The following CACNG3 variants were observed in gnomAD, a reference collection of about 807,000 sequenced individuals.
The protein encoded by CACNG3 is voltage-dependent calcium channel gamma-3 subunit.
CACNG3 carries 3 observed loss-of-function variants against 28.5 expected under a neutral mutation model. The ratio of observed to expected loss-of-function variants is 0.11; its 90% CI spans 0.05 to 0.27. CACNG3 has a LOEUF of 0.27. Among genes scored for constraint, CACNG3 ranks in the 10% least tolerant of loss-of-function variants. The pLI is 1.00. For synonymous variants in CACNG3, 174 were observed against 162.2 expected, an observed-to-expected ratio of 1.07 and a Z score of -0.55; for missense variants, 236 against 414.4, an observed-to-expected ratio of 0.57 and a Z score of 3.74.
chr16:24,292,846 T>C (rs922166729), intron 1 of CACNG3, among the ~76,000 whole-genome samples: 1 of 152,068 alleles, frequency 6.6e-6, no homozygotes, highest in Non-Finnish European at 1.5e-5. Context: ...ATGACATGGA[T>C]TAGGGAAAAG....
intron 1 of CACNG3, among the ~76,000 whole-genome samples, chr16:24,271,778 G>A (rs890623985): frequency 6.6e-6 from 1 of 151,706 alleles, no homozygotes; most frequent in Non-Finnish European, 1.5e-5. Flanking sequence ...AGGGCATGGG[G>A]CTCCTGTATG....
At chr16:24,301,206 G>GAAA (rs745765634) in intron 1 of CACNG3, among the ~76,000 whole-genome samples, 1 of 98,352 alleles carries the variant, frequency 1.0e-5, no homozygotes, top group Non-Finnish European at 2.2e-5. Flanking sequence ...GTGAGACTCT[G>GAAA]AAAAAAAAAA....
intron 1 of CACNG3, among the ~76,000 whole-genome samples, chr16:24,260,120 C>T (rs1226111333): frequency 6.6e-6 from 1 of 152,178 alleles, no homozygotes; most frequent in African/African-American, 2.4e-5. Context: ...TATCCTTCTC[C>T]TCCTTGAGTG....
intron 1 of CACNG3, among the ~76,000 whole-genome samples, chr16:24,259,319 A>G (rs1898509168): frequency 6.6e-6 from 1 of 152,252 alleles, no homozygotes; most frequent in South Asian, 2.1e-4. Context: ...TACTAAACAC[A>G]TCAAGTGTTT....
intron 1 of CACNG3, among the ~76,000 whole-genome samples, chr16:24,264,462 G>A (rs1898572411): frequency 1.3e-5 from 2 of 152,226 alleles, no homozygotes; most frequent in Admixed American, 1.3e-4. Flanking sequence ...GGAAGTTGCA[G>A]TAGGAAGGTA....
chr16:24,328,329 TAAAAC>T (rs545010830), intron 1 of CACNG3, among the ~76,000 whole-genome samples: 9 of 150,558 alleles, frequency 6.0e-5, no homozygotes, highest in Non-Finnish European at 1.0e-4. Context: ...GCAGGAAAGA[TAAAAC>T]AAAGCCTGTG....
chr16:24,286,166 G>A (rs376431776), intron 1 of CACNG3, among the ~76,000 whole-genome samples: 1 of 151,984 alleles, frequency 6.6e-6, no homozygotes, highest in Admixed American at 6.6e-5. Flanking sequence ...CTTTGTTCAT[G>A]GACATTCATC....
chr16:24,300,344 C>T (rs1389584556), intron 1 of CACNG3, among the ~76,000 whole-genome samples: 4 of 151,850 alleles, frequency 2.6e-5, no homozygotes, highest in Admixed American at 1.3e-4. Flanking sequence ...AGGCAGGTTA[C>T]GCGTGTGAGA....
chr16:24,275,996 G>C (rs1042747378), intron 1 of CACNG3, among the ~76,000 whole-genome samples: 1 of 152,170 alleles, frequency 6.6e-6, no homozygotes, highest in Admixed American at 6.5e-5. Context: ...ACCACTTGTC[G>C]AGTTTTGGTG....
intron 1 of CACNG3, among the ~76,000 whole-genome samples, chr16:24,331,937 C>G (rs955018093): frequency 2.6e-5 from 4 of 152,238 alleles, no homozygotes; most frequent in Admixed American, 2.0e-4. Flanking sequence ...TGTCCTCCCC[C>G]ACCCCAATCA....
At chr16:24,314,733 GCCTCCTCCTCCTCCTCCTCCTCCT>G (rs140787661) in intron 1 of CACNG3, among the ~76,000 whole-genome samples, 1 of 119,014 alleles carries the variant, frequency 8.4e-6, no homozygotes, top group African/African-American at 3.0e-5. Flanking sequence ...TAGGACTCTC[GCCTCCTCCTCCTCCTCCTCCTCCT>G]CCTCCTCCTC....
chr16:24,309,864 C>T (rs950337751), intron 1 of CACNG3, among the ~76,000 whole-genome samples: 6 of 151,968 alleles, frequency 3.9e-5, no homozygotes, highest in East Asian at 1.9e-4. Context: ...CCAAGGGGGT[C>T]GGGATGAGGG....
intron 1 of CACNG3, among the ~76,000 whole-genome samples, chr16:24,276,116 T>C (rs949184693): frequency 5.3e-5 from 8 of 152,216 alleles, no homozygotes; most frequent in African/African-American, 1.4e-4. Flanking sequence ...CTAACAACAG[T>C]GGGCAACAGA....
At chr16:24,315,310 G>A (rs1899333244) in intron 1 of CACNG3, among the ~76,000 whole-genome samples, 1 of 151,962 alleles carries the variant, frequency 6.6e-6, no homozygotes, top group Admixed American at 6.6e-5. Flanking sequence ...CCGAATCCTA[G>A]GAAGGGATGT....
chr16:24,323,371 T>C (rs550844956), intron 1 of CACNG3, among the ~76,000 whole-genome samples: 4 of 152,324 alleles, frequency 2.6e-5, no homozygotes, highest in African/African-American at 7.2e-5. Flanking sequence ...TCTTAGTGAA[T>C]CTAATCCTTC....
At chr16:24,349,402 C>T (rs898818238) in intron 2 of CACNG3, among the ~76,000 whole-genome samples, 3 of 152,178 alleles carry the variant, frequency 2.0e-5, no homozygotes, top group Non-Finnish European at 2.9e-5. Context: ...AACAAAAGAA[C>T]GGCTACTGTA....
chr16:24,346,367 G>T (rs952397122), intron 1 of CACNG3, among the ~76,000 whole-genome samples: 1 of 152,144 alleles, frequency 6.6e-6, no homozygotes, highest in African/African-American at 2.4e-5. Flanking sequence ...GTGGCCAGGA[G>T]TTTGAGGCCA....
At position 24,312,965 on chromosome 16, in the gene CACNG3, G is replaced by GAAAT. The variant is rs764610993; in HGVS notation, c.212-33766_212-33765insTAAA. Reference sequence around the variant, plus strand: ...AAAGAAAGAAAGAAAGAGAAAGAAAGAAAAGAAAGAAAGAAATAAAAGAAA... The same window carrying GAAAT: ...AAAGAAAGAAAGAAAGAGAAAGAAAGAAATAAAAGAAAGAAAGAAATAAAAGAAA... On this transcript the variant is annotated intron_variant, in intron 1 of 3. Transcript: ENST00000005284. Among the ~76,000 whole-genome samples the GAAAT allele has an allele frequency of 1.9e-3, 191 of 99,672 alleles. 1 individual carries two copies. The highest frequency in any genetic ancestry group is 4.5e-3 in the Admixed American group (47 of 10,364). The allele number at this position is 99,672 out of a possible 152,430, so 65.4% of individuals were successfully genotyped here. A position where few individuals can be genotyped will look rare whatever the true frequency, so the allele number is the denominator to read the frequency against.
At chr16:24,289,954 T>C (rs1449029022) in intron 1 of CACNG3, among the ~76,000 whole-genome samples, 2 of 152,226 alleles carry the variant, frequency 1.3e-5, no homozygotes, top group African/African-American at 4.8e-5. Flanking sequence ...GAAGAAAGAT[T>C]TGGGGCAGTG....
Sources: allele counts gnomAD v4.1 joint callset (sites outside exome capture counted in the v4.1 genomes callset), GRCh38; gene constraint gnomAD v4.1.1; transcripts MANE v1.5; gene names NCBI Gene and HGNC (gene_info 2026-07-23, HGNC 2026-07-21).